Variants in FGL1 observed in about 807,000 individuals in gnomAD.
The protein encoded by FGL1 is fibrinogen like 1.
A neutral mutation model predicts 43.7 loss-of-function variants in FGL1; 59 were observed. The ratio of observed to expected loss-of-function variants is 1.35; its 90% CI spans 1.10 to 1.68. The LOEUF is 1.68. Ranked by LOEUF, FGL1 falls within the 40% of genes most tolerant of loss-of-function variation. FGL1 has a pLI of 0.00. For synonymous variants in FGL1, 192 were observed against 126.5 expected, an observed-to-expected ratio of 1.52 and a Z score of -3.48; for missense variants, 596 against 373.0, an observed-to-expected ratio of 1.60 and a Z score of -4.92.
chr8:17,870,341 A>T (rs2053339505), intron 5 of FGL1, among the ~76,000 whole-genome samples: 1 of 152,158 alleles, frequency 6.6e-6, no homozygotes, highest in Non-Finnish European at 1.5e-5. Context: ...AACAAAGACT[A>T]TTCCTTTTTC....
intron 3 of FGL1, among the ~76,000 whole-genome samples, chr8:17,877,544 C>G (rs1247092631): frequency 2.0e-5 from 3 of 152,012 alleles, no homozygotes; most frequent in Non-Finnish European, 2.9e-5. Flanking sequence ...AGCTGCCACT[C>G]CCCAGAGCAT....
Position 17,864,882 on chromosome 8 carries a change from T to C in FGL1, c.780-131A>G, listed in dbSNP as rs144331169. 883 of 685,034 alleles carry C rather than the reference T, an allele frequency of 1.3e-3. 10 individuals carry two copies. In the African/African-American group the frequency reaches 0.015, roughly 12 times the overall value. 42.4% of individuals were successfully genotyped at this position (685,034 alleles called of 1,614,324 possible). ...TTCTGCCATTTTTCAGACAAGTAAA[T>C]ATTTACTAGTTTCCAAAAGCTGAGA... On this transcript the variant is annotated intron_variant, in intron 7 of 7. Coordinates refer to ENST00000427924, the MANE Select transcript of FGL1 (RefSeq NM_004467.4).
chr8:17,892,728 A>G (rs2129442387), intron 1 of FGL1, among the ~76,000 whole-genome samples: 1 of 152,328 alleles, frequency 6.6e-6, no homozygotes, highest in Non-Finnish European at 1.5e-5. Flanking sequence ...AATTTTCATT[A>G]TTTTAATCCG....
chr8:17,871,629 C>T (rs1335596775), intron 5 of FGL1, among the ~76,000 whole-genome samples: 2 of 152,066 alleles, frequency 1.3e-5, no homozygotes, highest in East Asian at 3.8e-4. Context: ...TTTATTGCCA[C>T]TACTTCTAGT....
chr8:17,892,767 T>A (rs2053723233), intron 1 of FGL1, among the ~76,000 whole-genome samples: 1 of 152,204 alleles, frequency 6.6e-6, no homozygotes, highest in African/African-American at 2.4e-5. Flanking sequence ...GAGTCAAAAA[T>A]TAAAAATCAT....
At chr8:17,877,501 T>C (rs1267389083) in intron 3 of FGL1, among the ~76,000 whole-genome samples, 5 of 151,786 alleles carry the variant, frequency 3.3e-5, no homozygotes, top group Admixed American at 2.6e-4. Context: ...TACCCCACAT[T>C]CTAAACACAA....
At chr8:17,878,228 A>C (rs2053485959) in intron 3 of FGL1, among the ~76,000 whole-genome samples, 1 of 152,218 alleles carries the variant, frequency 6.6e-6, no homozygotes, top group African/African-American at 2.4e-5. Context: ...CAGGGATTAC[A>C]GGCATGATTC....
intron 7 of FGL1, among the ~76,000 whole-genome samples, chr8:17,866,791 T>C (rs981133539): frequency 3.9e-5 from 6 of 152,250 alleles, no homozygotes; most frequent in Non-Finnish European, 8.8e-5. Flanking sequence ...TTTCTGTATA[T>C]GGAATTGTTT....
chr8:17,868,677 C>G lies in FGL1; in HGVS notation c.650G>C (p.Gly217Ala). The G allele has an allele frequency of 6.2e-7, 1 of 1,613,706 alleles. No homozygotes were observed. Among genetic ancestry groups the G allele is most frequent in the Non-Finnish European group, 8.5e-7 (1 of 1,179,882 alleles). ...CCACTGCACCTCAGGATGAAAATTCCCCGCAAGGGAATCTCCAGCTGTTCC... is the reference window on the plus strand; with the variant it reads ...CCACTGCACCTCAGGATGAAAATTCGCCGCAAGGGAATCTCCAGCTGTTCC... The part of the protein sequence containing the change: ...YSGTAGDSLA[G>A]NFHPEVQWWA... Residue 217 changes from glycine (G) to alanine (A), a missense_variant, in exon 7 of 8, where the codon GGG (glycine) becomes GCG (alanine). By Grantham distance (60) the Gly-to-Ala change is moderately conservative. Coordinates refer to ENST00000427924, the MANE Select transcript of FGL1 (RefSeq NM_004467.4).
intron 3 of FGL1, 127 bp from the exon 4 acceptor site, chr8:17,874,648 T>C: frequency 1.7e-6 from 1 of 573,926 alleles, no homozygotes; most frequent in Non-Finnish European, 2.7e-6. Flanking sequence ...AAATCAGCGT[T>C]TTAAAATTGC....
At chr8:17,873,105 G>C (rs2053389765) in intron 5 of FGL1, among the ~76,000 whole-genome samples, 1 of 152,094 alleles carries the variant, frequency 6.6e-6, no homozygotes, top group African/African-American at 2.4e-5. Context: ...TGGAAAAATA[G>C]CACCAATTGC....
At chr8:17,869,356 C>A (rs1017852802) in intron 5 of FGL1, among the ~76,000 whole-genome samples, 5 of 152,112 alleles carry the variant, frequency 3.3e-5, no homozygotes, top group Non-Finnish European at 7.4e-5. Context: ...ATAGTTTGAC[C>A]TCTTTTTCTT....
In FGL1 at chr8:17,868,648, C is replaced by T. The variant is rs375500738; in HGVS notation, c.679G>A (p.Ala227Thr). The T allele has an allele frequency of 3.1e-6, 5 of 1,613,936 alleles. No individual in the cohort carries two copies. The highest frequency in any genetic ancestry group is 2.7e-5 in the African/African-American group (2 of 74,914). ...CTGAATTTCATTCTTTGGTGACTAG[C>T]CCACCACTGCACCTCAGGATGAAAA... ...GNFHPEVQWW[A>T]SHQRMKFSTW... Residue 227 changes from alanine to threonine, a missense_variant, in exon 7 of 8, where the codon GCT becomes ACT. Physicochemically the swap from Ala to Thr is moderately conservative, Grantham distance 58. Coordinates refer to ENST00000427924, the MANE Select transcript of FGL1 (RefSeq NM_004467.4).
Position 17,869,049 on chromosome 8 carries a change from T to C in FGL1, c.503-45A>G, listed in dbSNP as rs1291311555. The C allele has an allele frequency of 5.1e-6, 6 of 1,187,064 alleles. No individual in the cohort carries two copies. The South Asian group carries it at 8.0e-5, about 16-fold the overall frequency. The allele number at this position is 1,187,064 out of a possible 1,614,324, so 73.5% of individuals were successfully genotyped here. ...TTATAATTTTTAAAAATGTGTGACA[T>C]GACACGGACTACTGCGGTTTAAAAA... On this transcript the variant is annotated intron_variant, in intron 5 of 7. Transcript: ENST00000427924.
Position 17,895,438 on chromosome 8 carries a change from A to G in FGL1, c.-18+9T>C, listed in dbSNP as rs551775438. ...CATGTCAAAAATGCAGAGACATTAA[A>G]TAACTTGCCTAAAGTCAGAAGTGAG... On this transcript the variant is annotated intron_variant, in intron 1 of 7. Transcript: ENST00000427924. 7.8e-7 allele frequency: 1 copy of G among 1,283,788 alleles called. No homozygotes were observed. The highest frequency in any genetic ancestry group is 1.5e-5 in the African/African-American group (1 of 65,868). The allele number at this position is 1,283,788 out of a possible 1,614,324, so 79.5% of individuals were successfully genotyped here.
chr8:17,877,805 T>C (rs1443244650), intron 3 of FGL1, among the ~76,000 whole-genome samples: 1 of 152,202 alleles, frequency 6.6e-6, no homozygotes, highest in East Asian at 1.9e-4. Flanking sequence ...TTTTTAAATG[T>C]GCAATTAAAT....
intron 1 of FGL1, among the ~76,000 whole-genome samples, chr8:17,893,824 A>G (rs375989885): frequency 6.8e-6 from 1 of 147,216 alleles, no homozygotes; most frequent in Admixed American, 6.7e-5. Flanking sequence ...ATTATAGTAA[A>G]CCATTATTTC....
intron 1 of FGL1, among the ~76,000 whole-genome samples, chr8:17,893,585 C>T (rs2129442445): frequency 6.7e-6 from 1 of 148,206 alleles, no homozygotes; most frequent in East Asian, 1.9e-4. Context: ...CAAAAAGGCA[C>T]CCCCTAGTCT....
intron 1 of FGL1, among the ~76,000 whole-genome samples, chr8:17,887,485 A>T (rs1355392212): frequency 1.3e-5 from 2 of 152,234 alleles, no homozygotes; most frequent in Non-Finnish European, 2.9e-5. Context: ...TCTGTATTAC[A>T]ACACTGGGCA....
Sources: gnomAD v4.1 joint callset for allele counts (sites outside exome capture counted in the v4.1 genomes callset) on GRCh38, gnomAD v4.1.1 for gene constraint, MANE v1.5 for transcripts, NCBI Gene and HGNC (gene_info 2026-07-23, HGNC 2026-07-21) for gene names.